Variants in IDO1 observed in about 807,000 individuals in gnomAD.
The protein encoded by IDO1 is indolamine 2,3 dioxygenase.
A neutral mutation model predicts 38.8 loss-of-function variants in IDO1; 35 were observed. That is an observed-to-expected ratio of 0.90 (90% confidence interval 0.69 to 1.20). IDO1 has a LOEUF of 1.20. IDO1 is among the 50% of genes most tolerant of loss of function. IDO1 has a pLI of 0.00. For missense variants in IDO1, 509 were observed against 485.1 expected (o/e 1.05, Z -0.46); for synonymous variants, 171 against 170.0 (o/e 1.01, Z -0.05).
chr8:39,914,647 G>A (rs901808711), intron 1 of IDO1, among the ~76,000 whole-genome samples: 5 of 152,152 alleles, frequency 3.3e-5, no homozygotes, highest in African/African-American at 1.2e-4. Flanking sequence ...CGAATGCTAT[G>A]TAAACCAATT....
At chr8:39,925,742 A>C (rs1236316831) in intron 9 of IDO1, among the ~76,000 whole-genome samples, 1 of 151,808 alleles carries the variant, frequency 6.6e-6, no homozygotes, top group Non-Finnish European at 1.5e-5. Context: ...AAACTAGCTG[A>C]GTGTGGTGGT....
In IDO1 at chr8:39,925,220, T is replaced by C. The variant is rs118036045; in HGVS notation, c.708-3T>C. On this transcript the variant is annotated splice_polypyrimidine_tract_variant and splice_region_variant and intron_variant, in intron 8 of 9. Transcript: ENST00000518237. ...TTCTTTTTTTCTTTCTTTCCTCTGA[T>C]AGCTGGAAAGGCAACCCCCAGCTAT... 2,190 of 1,574,580 alleles carry C rather than the reference T, an allele frequency of 1.4e-3. 6 individuals are homozygous for C. Among genetic ancestry groups the C allele is most frequent in the African/African-American group, 7.6e-3 (551 of 72,738 alleles).
In IDO1 at chr8:39,924,757, G is replaced by T. The variant is rs745677091; in HGVS notation, c.692G>T (p.Arg231Leu). The T allele has an allele frequency of 1.9e-6, 3 of 1,608,942 alleles. No individual in the cohort carries two copies. In the South Asian group the frequency reaches 3.3e-5, roughly 18 times the overall value. The change falls in exon 8 of 10, where the codon CGC becomes CTC. Residue 231 changes from arginine to leucine, a missense_variant. Transcript: ENST00000518237. Reference protein sequence around the residue: ...VNPKAFFSVLRIYLSGWKGNP... With the variant: ...VNPKAFFSVLLIYLSGWKGNP... ...CCAAAAGCATTTTTCAGTGTTCTTC[G>T]CATATATTTGTCTGGGTATGTAGTC...
In IDO1 at chr8:39,928,168, C is replaced by G. The variant is rs1221103721; in HGVS notation, c.1195C>G (p.Leu399Val). Residue 399 changes from leucine (L) to valine (V), a missense_variant, in exon 10 of 10, where the codon CTT becomes GTT. Physicochemically the swap from Leu to Val is conservative, Grantham distance 32. Coordinates refer to ENST00000518237, the MANE Select transcript of IDO1 (RefSeq NM_002164.6). ...KTVRSTTEKS[L>V]LKEG ...TGTAAGAAGTACAACTGAGAAATCC[C>G]TTTTGAAGGAAGGTTAATGTAACCC... The G allele has an allele frequency of 1.2e-6, 2 of 1,609,726 alleles. No homozygotes were observed. Among genetic ancestry groups the G allele is most frequent in the African/African-American group, 2.7e-5 (2 of 74,730 alleles).
Position 39,924,772 on chromosome 8 carries a change from G to A in IDO1, c.707G>A (p.Gly236Asp), listed in dbSNP as rs1807333672. Residue 236 changes from glycine (G) to aspartate (D), a missense_variant and splice_region_variant, in exon 8 of 10, where the codon GGC (glycine) becomes GAC (aspartate). Gly to Asp is a moderately conservative substitution (Grantham distance 94). Transcript: ENST00000518237. ...AGTGTTCTTCGCATATATTTGTCTG[G>A]GTATGTAGTCTTATGTTTGAATTTG... is the stretch of plus-strand genomic sequence containing the variant. ...FFSVLRIYLS[G>D]WKGNPQLSDG... 1 of 1,604,294 alleles carries A rather than the reference G, an allele frequency of 6.2e-7. No homozygotes were observed. The highest frequency in any genetic ancestry group is 1.7e-5 in the Admixed American group (1 of 59,612).
intron 5 of IDO1, among the ~76,000 whole-genome samples, chr8:39,921,556 C>CGAGGATGACATCA (rs1357004320): frequency 2.6e-5 from 4 of 152,032 alleles, no homozygotes; most frequent in Non-Finnish European, 5.9e-5. Flanking sequence ...TTTTTAAAAA[C>CGAGGATGACATCA]GAGGATGACA....
chr8:39,915,228 CTT>C (rs898357206), intron 1 of IDO1, among the ~76,000 whole-genome samples: 49 of 152,224 alleles, frequency 3.2e-4, no homozygotes, highest in African/African-American at 1.1e-3. Context: ...CACTGCCTCT[CTT>C]AAGAAGGGAT....
At chr8:39,918,261 T>A in intron 3 of IDO1, 54 bp downstream of exon 3, 1 of 1,570,400 alleles carries the variant, frequency 6.4e-7, no homozygotes, top group Non-Finnish European at 8.7e-7. Flanking sequence ...TCATCTAATT[T>A]ACATTTAACT....
In IDO1 at chr8:39,913,893, T is replaced by G; in HGVS notation, c.-30T>G. The G allele has an allele frequency of 6.7e-7, 1 of 1,498,458 alleles. No individual in the cohort carries two copies. The highest frequency in any genetic ancestry group is 9.1e-7 in the Non-Finnish European group (1 of 1,099,304). The allele number at this position is 1,498,458 out of a possible 1,614,324, so 92.8% of individuals were successfully genotyped here. ...GATGCTCTGAAAACTCTTCAGACACTGAGGGGCACCAGAGGAGCAGACTAC... is the reference window on the plus strand; with the variant it reads ...GATGCTCTGAAAACTCTTCAGACACGGAGGGGCACCAGAGGAGCAGACTAC... On this transcript the variant is annotated 5_prime_UTR_variant, in exon 1 of 10. Transcript: ENST00000518237.
rs760305717 is a variant in IDO1, at chr8:39,924,761, A to G, written c.696A>G (p.Ile232Met). Residue 232 changes from isoleucine to methionine, a missense_variant, in exon 8 of 10, where the codon ATA becomes ATG. Ile to Met is a conservative substitution (Grantham distance 10, BLOSUM62 1). Transcript: ENST00000518237. ...NPKAFFSVLR[I>M]YLSGWKGNPQ... ...AAGCATTTTTCAGTGTTCTTCGCAT[A>G]TATTTGTCTGGGTATGTAGTCTTAT... 53 of 1,608,898 alleles carry G rather than the reference A, an allele frequency of 3.3e-5. No individual in the cohort carries two copies. The highest frequency in any genetic ancestry group is 1.0e-4 in the Admixed American group (6 of 59,808).
At chr8:39,923,621 A>G (rs1199107048) in intron 7 of IDO1, 35 bp downstream of exon 7, 5 of 1,254,518 alleles carry the variant, frequency 4.0e-6, no homozygotes, top group Non-Finnish European at 5.8e-6. Flanking sequence ...GTCTAGGCTG[A>G]CAAGTCAAAT....
At chr8:39,927,479 G>T (rs912422595) in intron 9 of IDO1, among the ~76,000 whole-genome samples, 3 of 151,346 alleles carry the variant, frequency 2.0e-5, no homozygotes, top group Admixed American at 2.0e-4. Context: ...AGAATTGCTT[G>T]AGCCCGGGAG....
chr8:39,926,062 C>T (rs930112003), intron 9 of IDO1, among the ~76,000 whole-genome samples: 16 of 151,866 alleles, frequency 1.1e-4, no homozygotes, highest in Admixed American at 9.9e-4. Context: ...TGGCGGGTGC[C>T]TGTAGTCCCA....
intron 7 of IDO1, among the ~76,000 whole-genome samples, chr8:39,924,438 T>C (rs528500756): frequency 6.6e-6 from 1 of 150,762 alleles, no homozygotes; most frequent in African/African-American, 2.4e-5. Flanking sequence ...TTTTGATTTG[T>C]TTTTTTTTGT....
chr8:39,921,935 G>A (rs1030353498), intron 5 of IDO1, among the ~76,000 whole-genome samples: 1 of 152,178 alleles, frequency 6.6e-6, no homozygotes, highest in Non-Finnish European at 1.5e-5. Context: ...AAGTTGACGG[G>A]ATAATAGAAA....
At chr8:39,925,652 G>A (rs1467064368) in intron 9 of IDO1, among the ~76,000 whole-genome samples, 1 of 152,098 alleles carries the variant, frequency 6.6e-6, no homozygotes, top group East Asian at 1.9e-4. Flanking sequence ...GGGAGACCTA[G>A]GCAGGTGGAT....
At position 39,918,205 on chromosome 8, in the gene IDO1, A is replaced by C; in HGVS notation, c.301A>C (p.Lys101Gln). 1 of 1,607,950 alleles carries C rather than the reference A, an allele frequency of 6.2e-7. No individual in the cohort carries two copies. The highest frequency in any genetic ancestry group is 8.5e-7 in the Non-Finnish European group (1 of 1,175,446). ...GGGCAAAGGTCATGGAGATGTCCGT[A>C]AGGTTTGGAGATTTTCTCAGATTTC... Reference protein sequence around the residue: ...VWGKGHGDVRKVLPRNIAVPY... With the variant: ...VWGKGHGDVRQVLPRNIAVPY... The change falls in exon 3 of 10, where the codon AAG (lysine) becomes CAG (glutamine). Residue 101 changes from lysine to glutamine, a missense_variant and splice_region_variant. Coordinates refer to ENST00000518237, the MANE Select transcript of IDO1 (RefSeq NM_002164.6).
At chr8:39,925,867 G>C (rs1211918868) in intron 9 of IDO1, among the ~76,000 whole-genome samples, 1 of 151,770 alleles carries the variant, frequency 6.6e-6, no homozygotes, top group Non-Finnish European at 1.5e-5. Context: ...CTGGGCAAAA[G>C]AGCAAAACTC....
chr8:39,918,973 G>A, intron 4 of IDO1, 40 bp downstream of exon 4: 1 of 1,207,094 alleles, frequency 8.3e-7, no homozygotes, highest in African/African-American at 1.5e-5. Flanking sequence ...TTTGGAGTGT[G>A]TGCCGATTAA....
Sources: gnomAD v4.1 joint callset for allele counts (sites outside exome capture counted in the v4.1 genomes callset) on GRCh38, gnomAD v4.1.1 for gene constraint, MANE v1.5 for transcripts, NCBI Gene and HGNC (gene_info 2026-07-23, HGNC 2026-07-21) for gene names.